RIMS2: variants seen among roughly 807,000 people sequenced by gnomAD.
The protein encoded by RIMS2 is regulating synaptic membrane exocytosis protein 2.
A neutral mutation model predicts 174.4 loss-of-function variants in RIMS2; 59 were observed. That is an observed-to-expected ratio of 0.34 (90% CI 0.27 to 0.42). RIMS2 has a LOEUF of 0.42. Ranked by LOEUF, RIMS2 falls within the 10% of genes least tolerant of loss-of-function variation. The probability of loss-of-function intolerance (pLI) is 1.00; values close to 1 mark genes in which losing one functional copy is unlikely to be tolerated. For missense variants in RIMS2, 1,620 were observed against 1,666.3 expected (o/e 0.97, Z 0.48); for synonymous variants, 606 against 572.5 (o/e 1.06, Z -0.84).
intron 16 of RIMS2, among the ~76,000 whole-genome samples, chr8:103,978,175 C>A (rs1479449818): frequency 6.6e-6 from 1 of 152,206 alleles, no homozygotes; most frequent in Non-Finnish European, 1.5e-5. Context: ...AAATGTATTT[C>A]ATATTATACC....
At chr8:103,800,858 T>A (rs1196282616) in intron 3 of RIMS2, among the ~76,000 whole-genome samples, 1 of 152,218 alleles carries the variant, frequency 6.6e-6, no homozygotes, top group Non-Finnish European at 1.5e-5. Context: ...GGAAATGATC[T>A]TCTATCTTCA....
chr8:103,581,266 A>G (rs1409239112), intron 1 of RIMS2, among the ~76,000 whole-genome samples: 1 of 152,236 alleles, frequency 6.6e-6, no homozygotes, highest in Non-Finnish European at 1.5e-5. Flanking sequence ...ACAACACATT[A>G]AAAAGATCAT....
chr8:103,589,340 A>AC (rs1554657617), intron 1 of RIMS2, among the ~76,000 whole-genome samples: 1 of 151,526 alleles, frequency 6.6e-6, no homozygotes, highest in Admixed American at 6.6e-5. Context: ...GCTCTATATC[A>AC]TGATAATCAG....
chr8:103,830,148 A>G (rs1367714444), intron 3 of RIMS2, among the ~76,000 whole-genome samples: 2 of 152,006 alleles, frequency 1.3e-5, no homozygotes, highest in Non-Finnish European at 2.9e-5. Flanking sequence ...TCATTTGCCT[A>G]TTAGTTTACC....
intron 13 of RIMS2, 42 bp downstream of exon 15, chr8:103,936,764 C>A: frequency 9.4e-6 from 13 of 1,384,792 alleles, no homozygotes; most frequent in African/African-American, 1.5e-5. Context: ...TCATGTTATC[C>A]TGAATACTTT....
chr8:103,550,322 A>T (rs1847155234), intron 1 of RIMS2, among the ~76,000 whole-genome samples: 1 of 152,204 alleles, frequency 6.6e-6, no homozygotes, highest in Non-Finnish European at 1.5e-5. Context: ...CTGCTCAACT[A>T]CATGGAAATT....
intron 3 of RIMS2, among the ~76,000 whole-genome samples, chr8:103,837,427 G>A (rs1443858888): frequency 6.6e-6 from 1 of 152,160 alleles, no homozygotes; most frequent in East Asian, 1.9e-4. Flanking sequence ...CAACGTGCAG[G>A]TTAGTTACAT....
intron 19 of RIMS2, among the ~76,000 whole-genome samples, chr8:104,050,215 T>A (rs760944963): frequency 2.0e-5 from 3 of 152,136 alleles, no homozygotes; most frequent in Non-Finnish European, 4.4e-5. Flanking sequence ...ATTCCAAAAA[T>A]TTTATTTGTT....
At chr8:103,952,702 T>C (rs540944388) in intron 14 of RIMS2, among the ~76,000 whole-genome samples, 21 of 152,150 alleles carry the variant, frequency 1.4e-4, no homozygotes, top group Admixed American at 2.6e-4. Context: ...GAACGCTTCT[T>C]CTCCTTCAAA....
chr8:103,716,102 A>T (rs971840483), intron 2 of RIMS2, among the ~76,000 whole-genome samples: 2 of 151,870 alleles, frequency 1.3e-5, no homozygotes, highest in African/African-American at 4.8e-5. Context: ...ATTGAATGAA[A>T]TGTATGGAAA....
At chr8:104,067,122 G>C (rs950881589) in intron 19 of RIMS2, among the ~76,000 whole-genome samples, 2 of 151,980 alleles carry the variant, frequency 1.3e-5, no homozygotes, top group African/African-American at 4.8e-5. Flanking sequence ...AATCAGGTAA[G>C]TATTAAAATA....
chr8:103,969,305 C>T (rs1339144864), intron 15 of RIMS2, among the ~76,000 whole-genome samples: 2 of 152,006 alleles, frequency 1.3e-5, no homozygotes, highest in East Asian at 1.9e-4. Flanking sequence ...TTTTTCTTCT[C>T]TTTCTGGTAT....
intron 19 of RIMS2, among the ~76,000 whole-genome samples, chr8:104,058,013 G>T (rs531746800): frequency 1.3e-5 from 2 of 152,154 alleles, no homozygotes; most frequent in East Asian, 3.9e-4. Flanking sequence ...ATTGTGAATG[G>T]TGCCGCAATA....
At chr8:103,892,887 A>C (rs1426309374) in intron 4 of RIMS2, among the ~76,000 whole-genome samples, 1 of 152,040 alleles carries the variant, frequency 6.6e-6, no homozygotes, top group African/African-American at 2.4e-5. Context: ...ATATTTAGTA[A>C]AGCTTTAAAC....
intron 1 of RIMS2, among the ~76,000 whole-genome samples, chr8:103,692,558 C>A (rs1369535978): frequency 6.6e-6 from 1 of 152,252 alleles, no homozygotes; most frequent in African/African-American, 2.4e-5. Flanking sequence ...ACTGCCTGGG[C>A]ATTCCTGCTG....
Position 103,629,989 on chromosome 8 carries a change from T to TA in RIMS2, c.177-67087dup, listed in dbSNP as rs967775836. Among the ~76,000 whole-genome samples the TA allele has an allele frequency of 8.7e-5, 13 of 149,484 alleles. No homozygotes were observed. The South Asian group carries it at 1.3e-3, about 15-fold the overall frequency. Reference sequence around the variant, plus strand: ...CCAGAAAAAAAGAACAGTACAAAACTAAAAAAAAAATTTTAAGAAATATGA... The same window carrying TA: ...CCAGAAAAAAAGAACAGTACAAAACTAAAAAAAAAAATTTTAAGAAATATGA... On this transcript the variant is annotated intron_variant, in intron 1 of 23. Coordinates refer to ENST00000504942, the Ensembl canonical transcript of RIMS2.
At chr8:104,250,673 T>C (rs1297810291) in intron 22 of RIMS2, among the ~76,000 whole-genome samples, 5 of 152,260 alleles carry the variant, frequency 3.3e-5, no homozygotes, top group African/African-American at 7.2e-5. Context: ...TGAAACAATA[T>C]AGCTTCAAGC....
intron 19 of RIMS2, among the ~76,000 whole-genome samples, chr8:104,060,314 G>C (rs1289338129): frequency 3.4e-5 from 5 of 147,982 alleles, no homozygotes; most frequent in Non-Finnish European, 4.5e-5. Flanking sequence ...TGTATGTGTC[G>C]AGGAATTTAT....
At chr8:103,564,263 T>A (rs1422746331) in intron 1 of RIMS2, among the ~76,000 whole-genome samples, 2 of 152,220 alleles carry the variant, frequency 1.3e-5, no homozygotes, top group Non-Finnish European at 1.5e-5. Context: ...TCAGATTCTG[T>A]ACCTTTAAAT....
Sources: gnomAD v4.1 joint callset for allele counts (sites outside exome capture counted in the v4.1 genomes callset) on GRCh38, gnomAD v4.1.1 for gene constraint, MANE v1.5 for transcripts, NCBI Gene and HGNC (gene_info 2026-07-23, HGNC 2026-07-21) for gene names.